The following VWC2L variants were observed in gnomAD, a reference collection of about 807,000 sequenced individuals.
VWC2L encodes von Willebrand factor C domain-containing protein 2-like.
Under a neutral mutation model 21.6 loss-of-function variants are expected in VWC2L, and 10 were observed. That is an observed-to-expected ratio of 0.46 (90% CI 0.29 to 0.78). VWC2L has a LOEUF of 0.78. Ranked by LOEUF, VWC2L falls within the 30% of genes least tolerant of loss-of-function variation. The pLI is 0.10. For synonymous variants in VWC2L, 96 were observed against 94.3 expected (o/e 1.02, Z -0.10); for missense variants, 209 against 277.1 (o/e 0.75, Z 1.74).
rs79213591 is a variant in VWC2L, at chr2:214,502,200, C to T, written c.520+65442C>T. ...GTATTACCATTGAACTTGAAATATT[C>T]GCATGTTCTCAATAAATATCAGTGA... On this transcript the variant is annotated intron_variant, in intron 3 of 3. Coordinates refer to ENST00000312504, the MANE Select transcript of VWC2L (RefSeq NM_001080500.4). 5.3e-3 allele frequency among the ~76,000 whole-genome samples: 807 copies of T among 152,142 alleles called. 9 individuals are homozygous for T. Among genetic ancestry groups the T allele is most frequent in the African/African-American group, 0.018 (741 of 41,510 alleles).
chr2:214,535,565 T>C (rs930106548), intron 3 of VWC2L, among the ~76,000 whole-genome samples: 2 of 152,022 alleles, frequency 1.3e-5, no homozygotes, highest in African/African-American at 2.4e-5. Context: ...AATACTATAA[T>C]CCAAGCAGCA....
rs556725918 is a variant in VWC2L at position 214,416,792 on chromosome 2, C to T, written c.390+2209C>T. Among the ~76,000 whole-genome samples, 19 of 152,058 alleles carry T rather than the reference C, an allele frequency of 1.2e-4. No individual in the cohort carries two copies. The East Asian group carries it at 3.5e-3, about 28-fold the overall frequency. On this transcript the variant is annotated intron_variant, in intron 2 of 3. Transcript: ENST00000312504. ...AATAGCCATTGTAATAATCACTTTC[C>T]TTAGGAGGAGAGGTTGGAAATTCTT...
intron 3 of VWC2L, among the ~76,000 whole-genome samples, chr2:214,530,138 C>T (rs1689410656): frequency 6.6e-6 from 1 of 152,140 alleles, no homozygotes; most frequent in Non-Finnish European, 1.5e-5. Context: ...TTGCCATTTC[C>T]TTGGCAAAGT....
intron 3 of VWC2L, among the ~76,000 whole-genome samples, chr2:214,571,571 C>T (rs1574643449): frequency 6.6e-6 from 1 of 152,134 alleles, no homozygotes; most frequent in East Asian, 1.9e-4. Flanking sequence ...TTAGTTTATA[C>T]TATTTCATTC....
In VWC2L at chr2:214,575,823, C is replaced by G. The variant is rs373617021; in HGVS notation, c.*3C>G. The G allele has an allele frequency of 8.7e-6, 14 of 1,611,248 alleles. No individual in the cohort carries two copies. Among genetic ancestry groups the G allele is most frequent in the Non-Finnish European group, 1.2e-5 (14 of 1,177,876 alleles). Reference sequence around the variant, plus strand: ...GCCAAGGCAAGCAGACTGTGTAGGACAAACTTCCACCCAATGATGAGTTCT... The same window carrying G: ...GCCAAGGCAAGCAGACTGTGTAGGAGAAACTTCCACCCAATGATGAGTTCT... On this transcript the variant is annotated 3_prime_UTR_variant, in exon 4 of 4. Coordinates refer to ENST00000312504, the MANE Select transcript of VWC2L (RefSeq NM_001080500.4).
intron 3 of VWC2L, among the ~76,000 whole-genome samples, chr2:214,443,913 T>A (rs201131743): frequency 6.6e-6 from 1 of 152,130 alleles, no homozygotes; most frequent in African/African-American, 2.4e-5. Context: ...AGATGATATG[T>A]GATTGCATTC....
chr2:214,522,127 G>A (rs144335248), intron 3 of VWC2L, among the ~76,000 whole-genome samples: 4,124 of 152,214 alleles, frequency 0.027, 184 homozygotes, highest in African/African-American at 0.092. Context: ...TGTAATCCCA[G>A]CACTTTGGGA....
intron 3 of VWC2L, among the ~76,000 whole-genome samples, chr2:214,478,536 A>G (rs1360735262): frequency 6.6e-6 from 1 of 152,120 alleles, no homozygotes; most frequent in Non-Finnish European, 1.5e-5. Context: ...GTATGTGAAT[A>G]AAAGAGACAA....
intron 3 of VWC2L, among the ~76,000 whole-genome samples, chr2:214,559,738 T>C (rs1689935349): frequency 6.6e-6 from 1 of 152,068 alleles, no homozygotes; most frequent in South Asian, 2.1e-4. Context: ...GCATCTCAAG[T>C]AATTAAAACA....
chr2:214,568,833 T>TAGATA (rs1280484641), intron 3 of VWC2L, among the ~76,000 whole-genome samples: 1 of 152,186 alleles, frequency 6.6e-6, no homozygotes, highest in Non-Finnish European at 1.5e-5. Flanking sequence ...TGTTGCTTAA[T>TAGATA]AGATAGGATC....
At chr2:214,480,415 C>T (rs1227142047) in intron 3 of VWC2L, among the ~76,000 whole-genome samples, 1 of 152,116 alleles carries the variant, frequency 6.6e-6, no homozygotes, top group African/African-American at 2.4e-5. Context: ...GATATGGATT[C>T]AATACATTCA....
intron 3 of VWC2L, among the ~76,000 whole-genome samples, chr2:214,493,820 T>A: frequency 6.6e-6 from 1 of 151,964 alleles, no homozygotes; most frequent in African/African-American, 2.4e-5. Context: ...GACAAAGAGG[T>A]TATTGACAAA....
At chr2:214,545,603 G>T (rs184099108) in intron 3 of VWC2L, among the ~76,000 whole-genome samples, 1 of 152,234 alleles carries the variant, frequency 6.6e-6, no homozygotes. Flanking sequence ...TTCCAGAGCT[G>T]CCAGAAATCT....
intron 3 of VWC2L, among the ~76,000 whole-genome samples, chr2:214,461,265 A>T (rs1240517918): frequency 1.3e-5 from 2 of 152,208 alleles, no homozygotes; most frequent in Non-Finnish European, 2.9e-5. Flanking sequence ...AGGGGCCAGA[A>T]GTAGCAGCAA....
chr2:214,554,106 A>C (rs1372953237), intron 3 of VWC2L, among the ~76,000 whole-genome samples: 1 of 151,424 alleles, frequency 6.6e-6, no homozygotes, highest in Non-Finnish European at 1.5e-5. Context: ...AGTCTTTACC[A>C]AAATAGTTCC....
At chr2:214,461,870 G>A (rs1033923476) in intron 3 of VWC2L, among the ~76,000 whole-genome samples, 5 of 152,182 alleles carry the variant, frequency 3.3e-5, no homozygotes, top group Non-Finnish European at 7.4e-5. Flanking sequence ...GTGTGCGTGT[G>A]GTTGCTATCA....
At chr2:214,529,804 A>G (rs1399114417) in intron 3 of VWC2L, among the ~76,000 whole-genome samples, 1 of 152,138 alleles carries the variant, frequency 6.6e-6, no homozygotes, top group Non-Finnish European at 1.5e-5. Flanking sequence ...TATATCTCAG[A>G]TCGATGGAAT....
intron 3 of VWC2L, among the ~76,000 whole-genome samples, chr2:214,477,824 A>G (rs993886393): frequency 6.6e-6 from 1 of 152,244 alleles, no homozygotes; most frequent in African/African-American, 2.4e-5. Context: ...CAATATTAAG[A>G]GAATTCTTTT....
intron 3 of VWC2L, among the ~76,000 whole-genome samples, chr2:214,481,828 T>C (rs906549591): frequency 2.6e-5 from 4 of 152,216 alleles, no homozygotes; most frequent in East Asian, 1.9e-4. Context: ...AAATACTTTA[T>C]TGTATTCTTG....
Sources: allele counts gnomAD v4.1 joint callset (sites outside exome capture counted in the v4.1 genomes callset), GRCh38; gene constraint gnomAD v4.1.1; transcripts MANE v1.5; gene names NCBI Gene and HGNC (gene_info 2026-07-23, HGNC 2026-07-21).